BMPER: variants seen among roughly 807,000 people sequenced by gnomAD.
BMPER encodes the protein BMP binding endothelial regulator.
A neutral mutation model predicts 87.3 loss-of-function variants in BMPER; 45 were observed. The observed-to-expected ratio is 0.52, with a 90% CI of 0.41 to 0.66. BMPER has a LOEUF of 0.66. Ranked by LOEUF, BMPER falls within the 30% of genes least tolerant of loss-of-function variation. The pLI is 0.00. For missense variants in BMPER, 784 were observed against 867.5 expected, an observed-to-expected ratio of 0.90 and a Z score of 1.21; for synonymous variants, 326 against 316.2, an observed-to-expected ratio of 1.03 and a Z score of -0.33.
intron 13 of BMPER, among the ~76,000 whole-genome samples, chr7:34,091,661 C>G (rs1364621864): frequency 6.6e-6 from 1 of 152,188 alleles, no homozygotes; most frequent in Non-Finnish European, 1.5e-5. Context: ...CCTTCACTTT[C>G]TACATTGATT....
At chr7:34,115,597 T>C (rs1016138273) in intron 13 of BMPER, among the ~76,000 whole-genome samples, 3 of 152,228 alleles carry the variant, frequency 2.0e-5, no homozygotes, top group Non-Finnish European at 2.9e-5. Context: ...TTATATAATA[T>C]GTGGTTGTGA....
chr7:33,905,685 C>T lies in BMPER; in HGVS notation c.72C>T (p.Cys24=). The T allele has an allele frequency of 6.2e-7, 1 of 1,613,056 alleles. No individual in the cohort carries two copies. The highest frequency in any genetic ancestry group is 8.5e-7 in the Non-Finnish European group (1 of 1,179,676). The change falls in exon 1 of 15, where the codon TGC becomes TGT. Residue 24 remains cysteine (C), a synonymous_variant. Coordinates refer to ENST00000649409, the MANE Select transcript of BMPER (RefSeq NM_001365308.1). ...GCCGCTCGCCTGGGATTACGTGCTG[C>T]GTCTTGCTGCTACTCAATTGCTCGG... is the stretch of plus-strand genomic sequence containing the variant. ...YCRRSPGITC[C]VLLLLNCSGV...
intron 6 of BMPER, among the ~76,000 whole-genome samples, chr7:33,977,563 G>A (rs1785720032): frequency 6.6e-6 from 1 of 152,176 alleles, no homozygotes; most frequent in African/African-American, 2.4e-5. Flanking sequence ...TACCAGAGGG[G>A]TGTTCATAAT....
chr7:34,038,687 G>C (rs1217089804), intron 6 of BMPER, among the ~76,000 whole-genome samples: 5 of 152,186 alleles, frequency 3.3e-5, no homozygotes, highest in Non-Finnish European at 5.9e-5. Flanking sequence ...AGGTCGTGAA[G>C]TACAAAAGGG....
chr7:33,995,028 A>G (rs541670063), intron 6 of BMPER, among the ~76,000 whole-genome samples: 17 of 152,222 alleles, frequency 1.1e-4, no homozygotes, highest in Non-Finnish European at 2.2e-4. Flanking sequence ...ACATCTTAAA[A>G]TTTACTTTTG....
At chr7:33,913,903 A>C (rs534920788) in intron 2 of BMPER, among the ~76,000 whole-genome samples, 1 of 152,186 alleles carries the variant, frequency 6.6e-6, no homozygotes, top group Admixed American at 6.5e-5. Flanking sequence ...CCATTTGGTA[A>C]ATTATTCAGT....
At chr7:34,077,359 G>A (rs1296841422) in intron 11 of BMPER, among the ~76,000 whole-genome samples, 1 of 152,102 alleles carries the variant, frequency 6.6e-6, no homozygotes, top group Non-Finnish European at 1.5e-5. Context: ...GGAGTCAGAA[G>A]GAAAAGCGAC....
intron 13 of BMPER, among the ~76,000 whole-genome samples, chr7:34,108,176 C>T (rs193076139): frequency 1.1e-4 from 16 of 152,302 alleles, no homozygotes; most frequent in African/African-American, 2.2e-4. Flanking sequence ...CAATTATTAA[C>T]GGTGCTATTG....
chr7:34,027,030 T>C (rs765103910), intron 6 of BMPER, among the ~76,000 whole-genome samples: 24 of 152,076 alleles, frequency 1.6e-4, no homozygotes, highest in Non-Finnish European at 2.8e-4. Context: ...GGTGTTTCCC[T>C]GGGACCGTAG....
At chr7:33,937,660 T>C in intron 3 of BMPER, 1 of 464,818 alleles carries the variant, frequency 2.2e-6, no homozygotes, top group East Asian at 4.0e-5. Context: ...GTTGTTAAAA[T>C]GTCGTAGAGA....
chr7:34,000,793 A>G (rs771731927), intron 6 of BMPER, among the ~76,000 whole-genome samples: 14 of 152,132 alleles, frequency 9.2e-5, no homozygotes, highest in Non-Finnish European at 1.9e-4. Flanking sequence ...GATATAGCCC[A>G]TTTCACCATT....
rs1387609942 is a variant in BMPER at position 33,966,077 on chromosome 7, A to G, written c.320-402A>G. On this transcript the variant is annotated intron_variant, in intron 3 of 14. Transcript: ENST00000649409. Reference sequence around the variant, plus strand: ...TAATTTTCTGCTTTTATTTTCTATCATGTTTTAAGCTTCACTTTTGATCTT... The same window carrying G: ...TAATTTTCTGCTTTTATTTTCTATCGTGTTTTAAGCTTCACTTTTGATCTT... Among the ~76,000 whole-genome samples, 4 of 152,168 alleles carry G rather than the reference A, an allele frequency of 2.6e-5. No homozygotes were observed. The South Asian group carries it at 6.2e-4, about 24-fold the overall frequency.
At chr7:33,977,968 A>G in intron 6 of BMPER, among the ~76,000 whole-genome samples, 1 of 152,164 alleles carries the variant, frequency 6.6e-6, no homozygotes, top group East Asian at 1.9e-4. Context: ...GAGGGGAGAC[A>G]AGGATGAAGA....
Position 33,921,645 on chromosome 7 carries a change from C to A in BMPER, c.219+14742C>A, listed in dbSNP as rs1396360956. On this transcript the variant is annotated intron_variant, in intron 2 of 14. Coordinates refer to ENST00000649409, the MANE Select transcript of BMPER (RefSeq NM_001365308.1). ...GGCGCCTTTGGGTGGGACAGGCTGACCCGCTGGGCTGCTGCCAGTCTCTTC... is the reference window on the plus strand; with the variant it reads ...GGCGCCTTTGGGTGGGACAGGCTGAACCGCTGGGCTGCTGCCAGTCTCTTC... 1.4e-5 allele frequency: 6 copies of A among 434,566 alleles called. No individual in the cohort carries two copies. The East Asian group carries it at 4.3e-4, about 31-fold the overall frequency. The allele number at this position is 434,566 out of a possible 1,614,324, so 26.9% of individuals were successfully genotyped here. A position where few individuals can be genotyped will look rare whatever the true frequency, so the allele number is the denominator to read the frequency against.
At chr7:34,016,065 G>T (rs80218969) in intron 6 of BMPER, among the ~76,000 whole-genome samples, 1 of 151,686 alleles carries the variant, frequency 6.6e-6, no homozygotes. Context: ...AGGTTTTAAG[G>T]CTTTTACAGA....
At chr7:33,972,401 T>C (rs1424382303) in intron 5 of BMPER, among the ~76,000 whole-genome samples, 2 of 152,186 alleles carry the variant, frequency 1.3e-5, no homozygotes, top group Non-Finnish European at 2.9e-5. Flanking sequence ...AGCAGAGCGA[T>C]CTATTTCAGC....
intron 11 of BMPER, among the ~76,000 whole-genome samples, chr7:34,075,353 C>T (rs1480901952): frequency 6.6e-6 from 1 of 152,100 alleles, no homozygotes; most frequent in East Asian, 1.9e-4. Flanking sequence ...AGTGCAAATA[C>T]ACATAAACAA....
chr7:33,923,150 G>C (rs996094574), intron 2 of BMPER, among the ~76,000 whole-genome samples: 2 of 152,054 alleles, frequency 1.3e-5, no homozygotes. Flanking sequence ...TCCTAGTTTT[G>C]AGCCACATTT....
intron 13 of BMPER, among the ~76,000 whole-genome samples, chr7:34,114,812 GC>G (rs1790067703): frequency 6.6e-6 from 1 of 152,206 alleles, no homozygotes; most frequent in African/African-American, 2.4e-5. Context: ...GTAGAAAGGG[GC>G]AACACATAGT....
Sources: gnomAD v4.1 joint callset for allele counts (sites outside exome capture counted in the v4.1 genomes callset) on GRCh38, gnomAD v4.1.1 for gene constraint, MANE v1.5 for transcripts, NCBI Gene and HGNC (gene_info 2026-07-23, HGNC 2026-07-21) for gene names.